PWWP2A: variants seen among roughly 807,000 people sequenced by gnomAD.
PWWP2A encodes the protein PWWP domain containing 2A.
In PWWP2A, 18 loss-of-function variants were observed where a neutral mutation model predicts 48.5. That is an observed-to-expected ratio of 0.37 (90% CI 0.26 to 0.55). The LOEUF is 0.55. Among genes scored for constraint, PWWP2A ranks in the 20% least tolerant of loss-of-function variants. The pLI is 0.81. For synonymous variants in PWWP2A, 396 were observed against 387.7 expected (o/e 1.02, Z -0.25); for missense variants, 867 against 976.4 (o/e 0.89, Z 1.49).
At chr5:160,106,847 CAG>C (rs1157780841) in intron 1 of PWWP2A, among the ~76,000 whole-genome samples, 2 of 113,322 alleles carry the variant, frequency 1.8e-5, no homozygotes, top group Non-Finnish European at 3.4e-5. Flanking sequence ...TTTTTTGAGA[CAG>C]AGTCTCACTC....
At chr5:160,116,674 C>T (rs1265333462) in intron 1 of PWWP2A, 1 of 985,268 alleles carries the variant, frequency 1.0e-6, no homozygotes, top group Admixed American at 6.1e-5. Flanking sequence ...CATTCCATTT[C>T]CAAAAACAAC....
In PWWP2A at chr5:160,092,997, T is replaced by C. The variant is rs1417754560; in HGVS notation, c.1653A>G (p.Glu551=). The C allele has an allele frequency of 3.8e-6, 6 of 1,575,304 alleles. No individual in the cohort carries two copies. Among genetic ancestry groups the C allele is most frequent in the Admixed American group, 1.9e-5 (1 of 53,138 alleles). ...TGCCCTTTTTGCCCAATGTCTGTGG[T>C]TCATCCTGATCACCAGGCACATGCA... ...NEVHVPGDQD[E]PQTLGKKGSK... is the part of the protein sequence containing the mutation. The change falls in exon 2 of 2, where the codon GAA becomes GAG. Residue 551 remains glutamate, a synonymous_variant. Transcript: ENST00000307063.
In PWWP2A at chr5:160,078,005, T is replaced by A; in HGVS notation, c.*150A>T. On this transcript the variant is annotated 3_prime_UTR_variant, in exon 4 of 4. Coordinates refer to the PWWP2A transcript ENST00000456329. The surrounding 1 kb of genome is among the most constrained non-coding windows in gnomAD (Gnocchi z 4.2). Reference sequence around the variant, plus strand: ...TTTCTTCGGTTTAAGACAGCACAATTTGCAAGTGCCCCTTTATAGACTGTT... The same window carrying A: ...TTTCTTCGGTTTAAGACAGCACAATATGCAAGTGCCCCTTTATAGACTGTT... 1.6e-6 allele frequency: 1 copy of A among 622,026 alleles called. No individual in the cohort carries two copies. The highest frequency in any genetic ancestry group is 2.8e-5 in the East Asian group (1 of 35,706). 38.5% of individuals were successfully genotyped at this position (622,026 alleles called of 1,614,324 possible). A position where few individuals can be genotyped will look rare whatever the true frequency, so the allele number is the denominator to read the frequency against.
At chr5:160,067,435 A>C (rs1175415552) in intron 2 of PWWP2A, among the ~76,000 whole-genome samples, 9 of 152,268 alleles carry the variant, frequency 5.9e-5, no homozygotes, top group African/African-American at 2.2e-4. Context: ...TAGCAAAATC[A>C]GGGCTGAGAT....
chr5:160,048,459 C>G, the PWWP2A span, among the ~76,000 whole-genome samples: 1,489 of 152,134 alleles, frequency 9.8e-3, 17 homozygotes, highest in Middle Eastern at 0.02. Flanking sequence ...CCGGCCAGCA[C>G]TGCTTTCTAA....
intron 1 of PWWP2A, among the ~76,000 whole-genome samples, chr5:160,101,403 TTAAG>T (rs1426002393): frequency 6.6e-6 from 1 of 152,130 alleles, no homozygotes; most frequent in Non-Finnish European, 1.5e-5. Flanking sequence ...CTTGAAGACA[TTAAG>T]TAAGCCAATC....
In PWWP2A at chr5:160,093,238, G is replaced by C; in HGVS notation, c.1412C>G (p.Pro471Arg). Residue 471 changes from proline (P) to arginine (R), a missense_variant, in exon 2 of 2, where the codon CCA becomes CGA. Coordinates refer to ENST00000307063, the MANE Select transcript of PWWP2A (RefSeq NM_001130864.2). This position sits in a 1 kb window ranked among gnomAD's most constrained non-coding sequence, Gnocchi z 5.8. ...CTGTGGTTTTAAACGAACCCGGGGT[G>C]GAAGGGAACCTGAGCTAGGATTCTG... ...RYQNPSSGSL[P>R]PRVRLKPQRY... 1.9e-6 allele frequency: 3 copies of C among 1,613,990 alleles called. No individual in the cohort carries two copies. Among genetic ancestry groups the C allele is most frequent in the Non-Finnish European group, 2.5e-6 (3 of 1,179,892 alleles).
intron 1 of PWWP2A, among the ~76,000 whole-genome samples, chr5:160,111,638 CAAAT>C (rs908201763): frequency 1.3e-5 from 2 of 151,996 alleles, no homozygotes; most frequent in African/African-American, 4.8e-5. Flanking sequence ...TATCTCTAAA[CAAAT>C]AAAATAATCA....
chr5:160,065,447 G>T (rs1264328588), intron 4 of PWWP2A: 3 of 461,646 alleles, frequency 6.5e-6, no homozygotes, highest in Non-Finnish European at 1.3e-5. Context: ...TTGATGACGG[G>T]TTCCCGCCTG....
chr5:160,100,739 G>A (rs548943895), intron 1 of PWWP2A, among the ~76,000 whole-genome samples: 1 of 152,306 alleles, frequency 6.6e-6, no homozygotes, highest in Admixed American at 6.5e-5. Context: ...AGCTTATTGT[G>A]GTTCATATTT....
chr5:160,106,968 C>T (rs1254365001), intron 1 of PWWP2A, among the ~76,000 whole-genome samples: 5 of 151,860 alleles, frequency 3.3e-5, no homozygotes, highest in African/African-American at 1.2e-4. Flanking sequence ...GGATTACAGG[C>T]ACACACCACC....
At chr5:160,051,139 A>C in the PWWP2A span, 1 of 1,608,878 alleles carries the variant, frequency 6.2e-7, no homozygotes, top group East Asian at 2.2e-5. Context: ...AGATTACCTA[A>C]GCAAATTGAA....
chr5:160,117,184 G>A (rs1758226463), intron 1 of PWWP2A, among the ~76,000 whole-genome samples: 1 of 152,210 alleles, frequency 6.6e-6, no homozygotes, highest in Admixed American at 6.5e-5. Flanking sequence ...TGCAGGCCGG[G>A]CACAGTGGCT....
chr5:160,106,973 A>G (rs1468566113), intron 1 of PWWP2A, among the ~76,000 whole-genome samples: 1 of 151,758 alleles, frequency 6.6e-6, no homozygotes, highest in African/African-American at 2.4e-5. Flanking sequence ...ACAGGCACAC[A>G]CCACCACGCT....
At chr5:160,112,071 GA>G (rs1757633186) in intron 1 of PWWP2A, among the ~76,000 whole-genome samples, 1 of 121,100 alleles carries the variant, frequency 8.3e-6, no homozygotes, top group Admixed American at 1.2e-4. Context: ...AGGCTGCAGT[GA>G]ACTGTGAGTG....
At chr5:160,050,245 C>T in the PWWP2A span, among the ~76,000 whole-genome samples, 5 of 152,106 alleles carry the variant, frequency 3.3e-5, no homozygotes, top group African/African-American at 9.7e-5. Context: ...GTCGGGAGTT[C>T]GAGACCAGCC....
At chr5:160,083,064 T>A (rs1342160199) in intron 2 of PWWP2A, among the ~76,000 whole-genome samples, 1 of 152,154 alleles carries the variant, frequency 6.6e-6, no homozygotes, top group African/African-American at 2.4e-5. Flanking sequence ...CAAAATGAAT[T>A]TTCTTAATAC....
In PWWP2A at chr5:160,119,013, C is replaced by A. The variant is rs758286531; in HGVS notation, c.376G>T (p.Ala126Ser). ...SPASPPEQPP[A>S]PEEREEPPLP... ...GGCGGCTCCTCGCGCTCCTCGGGAG[C>A]CGGGGGCTGCTCCGGCGGCGATGCA... is the stretch of plus-strand genomic sequence containing the variant. The change falls in exon 1 of 2, where the codon GCT (alanine) becomes TCT (serine). Residue 126 changes from alanine (A) to serine (S), a missense_variant. Ala to Ser is a moderately conservative substitution (Grantham distance 99). Coordinates refer to ENST00000307063, the MANE Select transcript of PWWP2A (RefSeq NM_001130864.2). The A allele has an allele frequency of 2.5e-6, 4 of 1,598,788 alleles. No homozygotes were observed. Among genetic ancestry groups the A allele is most frequent in the South Asian group, 1.1e-5 (1 of 90,132 alleles).
chr5:160,071,757 C>T (rs1294216737), downstream of PWWP2A, among the ~76,000 whole-genome samples: 1 of 152,190 alleles, frequency 6.6e-6, no homozygotes, highest in African/African-American at 2.4e-5. Context: ...CATTCAGATG[C>T]AGCCTTATGA....
Sources: gnomAD v4.1 joint callset for allele counts (sites outside exome capture counted in the v4.1 genomes callset) on GRCh38, gnomAD v4.1.1 for gene constraint, Gnocchi (gnomAD v3.1) non-coding constraint, MANE v1.5 for transcripts, NCBI Gene and HGNC (gene_info 2026-07-23, HGNC 2026-07-21) for gene names.